CDK17: variants seen among roughly 807,000 people sequenced by gnomAD.
The protein encoded by CDK17 is cyclin dependent kinase 17.
In CDK17, 24 loss-of-function variants were observed where a neutral mutation model predicts 77.6. That is an observed-to-expected ratio of 0.31 (90% confidence interval 0.22 to 0.44). The LOEUF (loss-of-function observed/expected upper bound fraction) is 0.44. Ranked by LOEUF, CDK17 falls within the 20% of genes least tolerant of loss-of-function variation. CDK17 has a pLI of 1.00. For synonymous variants in CDK17, 203 were observed against 210.4 expected, an observed-to-expected ratio of 0.96 and a Z score of 0.30; for missense variants, 429 against 622.5, an observed-to-expected ratio of 0.69 and a Z score of 3.31.
chr12:96,294,584 CAAAAAAAAAAAAA>C (rs11313631), intron 10 of CDK17, among the ~76,000 whole-genome samples: 4 of 54,346 alleles, frequency 7.4e-5, no homozygotes, highest in African/African-American at 2.5e-4. Flanking sequence ...ATGCTGTCTT[CAAAAAAAAAAAAA>C]AAAAAAAAAA....
intron 5 of CDK17, among the ~76,000 whole-genome samples, chr12:96,300,691 C>T (rs1952487619): frequency 6.6e-6 from 1 of 152,190 alleles, no homozygotes; most frequent in South Asian, 2.1e-4. Context: ...GCCACCGCGC[C>T]CAGCCTTGTA....
chr12:96,380,075 G>GGGAGGATCACCTGAACCCA (rs1348421398), intron 1 of CDK17, among the ~76,000 whole-genome samples: 1 of 151,338 alleles, frequency 6.6e-6, no homozygotes, highest in Non-Finnish European at 1.5e-5. Context: ...AGGCTGAGGT[G>GGGAGGATCACCTGAACCCA]GGAGGATCAC....
chr12:96,290,420 A>G (rs1952309238), intron 10 of CDK17, among the ~76,000 whole-genome samples: 1 of 152,254 alleles, frequency 6.6e-6, no homozygotes, highest in South Asian at 2.1e-4. Flanking sequence ...TGATTAAAAT[A>G]TTAAAGAAAA....
At chr12:96,315,216 A>C (rs1952694990) in intron 3 of CDK17, among the ~76,000 whole-genome samples, 1 of 152,354 alleles carries the variant, frequency 6.6e-6, no homozygotes, top group South Asian at 2.1e-4. Context: ...TACATATAAA[A>C]TCATGAGGAC....
At chr12:96,362,149 A>T (rs1347935065) in intron 1 of CDK17, among the ~76,000 whole-genome samples, 1 of 152,230 alleles carries the variant, frequency 6.6e-6, no homozygotes, top group South Asian at 2.1e-4. Context: ...GTGTCCTTTC[A>T]TGGACTTTTT....
intron 3 of CDK17, among the ~76,000 whole-genome samples, chr12:96,316,167 C>T (rs1242002416): frequency 6.6e-6 from 1 of 152,158 alleles, no homozygotes; most frequent in Non-Finnish European, 1.5e-5. Flanking sequence ...TCAGGGAGTT[C>T]TCTTTCCGAG....
chr12:96,381,588 T>C lies in CDK17; in HGVS notation c.-30+18398A>G, dbSNP rs371005764. 3.9e-5 allele frequency among the ~76,000 whole-genome samples: 6 copies of C among 152,142 alleles called. No individual in the cohort carries two copies. In the South Asian group the frequency reaches 6.2e-4, roughly 16 times the overall value. On this transcript the variant is annotated intron_variant, in intron 1 of 16. Transcript: ENST00000261211. ...CATAAACTCTACTACTGTCCATAGATCTACATTTTTTTGCCTGCCATTTAC... is the reference window on the plus strand; with the variant it reads ...CATAAACTCTACTACTGTCCATAGACCTACATTTTTTTGCCTGCCATTTAC...
chr12:96,316,890 C>A (rs372442076), intron 3 of CDK17, among the ~76,000 whole-genome samples: 1 of 150,358 alleles, frequency 6.7e-6, no homozygotes, highest in Non-Finnish European at 1.5e-5. Flanking sequence ...AACTCTAAAA[C>A]GCAGAGTGCC....
chr12:96,323,762 ACTTCC>A (rs1475741812), intron 3 of CDK17, among the ~76,000 whole-genome samples, 181 bp downstream of exon 3: 1 of 152,184 alleles, frequency 6.6e-6, no homozygotes, highest in Non-Finnish European at 1.5e-5. Context: ...TTCAAATATT[ACTTCC>A]CTGTATTGTC....
intron 2 of CDK17, among the ~76,000 whole-genome samples, chr12:96,332,650 T>C (rs1407215423): frequency 6.6e-6 from 1 of 152,220 alleles, no homozygotes; most frequent in Admixed American, 6.5e-5. Context: ...TAGTAGATTA[T>C]GGTAGCCTAT....
rs939488704 is a variant in CDK17, at chr12:96,400,149, G to A, written c.-193C>T. The stretch of plus-strand genomic sequence containing the variant: ...CCTCCGCCGCCACAGCCGCCTTCCG[G>A]CTCTCGCCGCGGGTCCGGAGCCTCG... On this transcript the variant is annotated 5_prime_UTR_variant, in exon 1 of 17. Coordinates refer to ENST00000261211, the MANE Select transcript of CDK17 (RefSeq NM_002595.5). 2 of 394,304 alleles carry A rather than the reference G, an allele frequency of 5.1e-6. No homozygotes were observed. The highest frequency in any genetic ancestry group is 4.4e-5 in the Admixed American group (1 of 22,588). 24.4% of individuals were successfully genotyped at this position (394,304 alleles called of 1,614,324 possible). A position where few individuals can be genotyped will look rare whatever the true frequency, so the allele number is the denominator to read the frequency against.
chr12:96,368,710 C>T (rs1208144439), intron 1 of CDK17, among the ~76,000 whole-genome samples: 1 of 149,828 alleles, frequency 6.7e-6, no homozygotes, highest in Admixed American at 6.8e-5. Context: ...TATTTTGACA[C>T]TTTGATATGA....
chr12:96,289,435 C>A lies in CDK17; in HGVS notation c.998-148G>T, dbSNP rs539227841. ...TTCACCACTATTAACTTTATGAATT[C>A]GTTGAGTGCATGTGGCCCTAAGTAA... On this transcript the variant is annotated intron_variant, in intron 10 of 16. Coordinates refer to ENST00000261211, the MANE Select transcript of CDK17 (RefSeq NM_002595.5). 42 of 789,076 alleles carry A rather than the reference C, an allele frequency of 5.3e-5. No homozygotes were observed. In the South Asian group the frequency reaches 6.6e-4, roughly 12 times the overall value. The allele number at this position is 789,076 out of a possible 1,614,324, so 48.9% of individuals were successfully genotyped here.
At chr12:96,390,275 C>T (rs985522867) in intron 1 of CDK17, among the ~76,000 whole-genome samples, 4 of 151,302 alleles carry the variant, frequency 2.6e-5, no homozygotes, top group Admixed American at 6.6e-5. Flanking sequence ...CCTTCAGGCA[C>T]GTGCCAACAC....
chr12:96,370,817 T>G (rs1953678957), intron 1 of CDK17, among the ~76,000 whole-genome samples: 1 of 152,222 alleles, frequency 6.6e-6, no homozygotes, highest in African/African-American at 2.4e-5. Context: ...TTAAGATTTG[T>G]TAACTTCGTA....
At chr12:96,321,909 T>C (rs1952821801) in intron 3 of CDK17, among the ~76,000 whole-genome samples, 1 of 148,542 alleles carries the variant, frequency 6.7e-6, no homozygotes, top group African/African-American at 2.5e-5. Context: ...TGTATACATA[T>C]GTAACTAACC....
intron 3 of CDK17, among the ~76,000 whole-genome samples, chr12:96,316,723 C>A (rs1296614358): frequency 1.2e-4 from 15 of 125,642 alleles, no homozygotes; most frequent in African/African-American, 4.2e-4. Context: ...GCAGGGTATT[C>A]CAACAGACCT....
At chr12:96,367,361 A>G (rs932762251) in intron 1 of CDK17, among the ~76,000 whole-genome samples, 9 of 151,034 alleles carry the variant, frequency 6.0e-5, no homozygotes, top group Non-Finnish European at 1.0e-4. Context: ...AAAAAAAAAA[A>G]AAAAAAAAAA....
intron 1 of CDK17, among the ~76,000 whole-genome samples, chr12:96,336,279 G>A (rs891998186): frequency 6.6e-6 from 1 of 151,992 alleles, no homozygotes; most frequent in African/African-American, 2.4e-5. Flanking sequence ...CTGGAAAACA[G>A]CGAGAATTTG....
Sources: gnomAD v4.1 joint callset for allele counts (sites outside exome capture counted in the v4.1 genomes callset) on GRCh38, gnomAD v4.1.1 for gene constraint, MANE v1.5 for transcripts, NCBI Gene and HGNC (gene_info 2026-07-23, HGNC 2026-07-21) for gene names.